The following SERINC5 variants were observed in gnomAD, a reference collection of about 807,000 sequenced individuals.
The protein encoded by SERINC5 is chromosome 5 open reading frame 12.
A neutral mutation model predicts 63.1 loss-of-function variants in SERINC5; 41 were observed. The ratio of observed to expected loss-of-function variants is 0.65; its 90% CI spans 0.51 to 0.84. The LOEUF (loss-of-function observed/expected upper bound fraction) is 0.84, where lower values mean the gene tolerates loss of function less well. Among genes scored for constraint, SERINC5 ranks in the 40% least tolerant of loss-of-function variants. The pLI is 0.00. For missense variants in SERINC5, 523 were observed against 573.0 expected (o/e 0.91, Z 0.89); for synonymous variants, 222 against 215.2 (o/e 1.03, Z -0.28).
chr5:80,209,370 A>C (rs919843757), intron 1 of SERINC5, among the ~76,000 whole-genome samples: 1 of 152,202 alleles, frequency 6.6e-6, no homozygotes, highest in African/African-American at 2.4e-5. Flanking sequence ...CAGGGACAGC[A>C]CAACAACACG....
At chr5:80,170,278 G>C (rs1297504006) in intron 5 of SERINC5, among the ~76,000 whole-genome samples, 1 of 152,160 alleles carries the variant, frequency 6.6e-6, no homozygotes, top group East Asian at 1.9e-4. Context: ...TTAGGTCGCA[G>C]ACCTAAAGTT....
chr5:80,150,717 T>C (rs1746122849), intron 9 of SERINC5, among the ~76,000 whole-genome samples, 165 bp downstream of exon 9: 2 of 152,202 alleles, frequency 1.3e-5, no homozygotes, highest in South Asian at 2.1e-4. Flanking sequence ...ATTACAGGCG[T>C]GAGCCACCAC....
chr5:80,234,798 T>C (rs1051075779), intron 1 of SERINC5, among the ~76,000 whole-genome samples: 4 of 152,174 alleles, frequency 2.6e-5, no homozygotes, highest in African/African-American at 9.7e-5. Flanking sequence ...GCCTTTCAAA[T>C]TGGAAACCAT....
At chr5:80,178,157 T>C in intron 2 of SERINC5, 93 bp from the exon 3 acceptor site, 1 of 685,718 alleles carries the variant, frequency 1.5e-6, no homozygotes, top group Non-Finnish European at 2.4e-6. Context: ...ACATCCACTG[T>C]GGAAATGGAT....
intron 1 of SERINC5, among the ~76,000 whole-genome samples, chr5:80,241,266 C>G (rs536249731): frequency 1.4e-4 from 21 of 151,732 alleles, no homozygotes; most frequent in South Asian, 1.3e-3. Context: ...GTCAGGAGAT[C>G]GAGACCATCC....
At chr5:80,228,026 A>G (rs1168918880) in intron 1 of SERINC5, among the ~76,000 whole-genome samples, 1 of 150,998 alleles carries the variant, frequency 6.6e-6, no homozygotes, top group East Asian at 1.9e-4. Flanking sequence ...ATTCGAGACC[A>G]GCCTGGGCAA....
chr5:80,126,404 C>T (rs1744752291), intron 11 of SERINC5, among the ~76,000 whole-genome samples: 1 of 152,182 alleles, frequency 6.6e-6, no homozygotes, highest in South Asian at 2.1e-4. Context: ...AATTTCATGA[C>T]ATCAGCCAGA....
intron 2 of SERINC5, among the ~76,000 whole-genome samples, chr5:80,180,197 T>A (rs1423093982): frequency 6.6e-6 from 1 of 152,120 alleles, no homozygotes; most frequent in East Asian, 1.9e-4. Context: ...TCTTACACAA[T>A]GAGAACAAGC....
At chr5:80,187,118 A>G (rs962294079) in intron 2 of SERINC5, among the ~76,000 whole-genome samples, 4 of 152,136 alleles carry the variant, frequency 2.6e-5, no homozygotes, top group African/African-American at 9.7e-5. Flanking sequence ...GTGAGCTGAG[A>G]TCACGCCACT....
chr5:80,223,850 G>T (rs1751035715), intron 1 of SERINC5, among the ~76,000 whole-genome samples: 1 of 152,110 alleles, frequency 6.6e-6, no homozygotes, highest in South Asian at 2.1e-4. Flanking sequence ...GTCAAGCCGG[G>T]CGCGGTGGCT....
At chr5:80,205,431 T>C (rs1008726079) in intron 1 of SERINC5, among the ~76,000 whole-genome samples, 2 of 152,226 alleles carry the variant, frequency 1.3e-5, no homozygotes, top group Non-Finnish European at 2.9e-5. Context: ...CCCAGGGTGC[T>C]GGGATGGGAA....
At chr5:80,231,719 T>C (rs1480435402) in intron 1 of SERINC5, among the ~76,000 whole-genome samples, 3 of 152,028 alleles carry the variant, frequency 2.0e-5, no homozygotes, top group Admixed American at 6.6e-5. Flanking sequence ...TGGGAAAGAA[T>C]AGTCTTTTCA....
chr5:80,239,098 G>A (rs2112585175), intron 1 of SERINC5, among the ~76,000 whole-genome samples: 1 of 152,300 alleles, frequency 6.6e-6, no homozygotes, highest in Admixed American at 6.5e-5. Context: ...CTTATTAGGT[G>A]GATATGCCAC....
At chr5:80,227,977 T>C (rs775784909) in intron 1 of SERINC5, among the ~76,000 whole-genome samples, 9 of 151,530 alleles carry the variant, frequency 5.9e-5, no homozygotes, top group Admixed American at 3.3e-4. Flanking sequence ...ATCCCAGCAC[T>C]TTGAGAGGCC....
Position 80,140,740 on chromosome 5 carries a change from C to G in SERINC5, c.*2923G>C. Reference sequence around the variant, plus strand: ...ATAAGAACCCCCACCCCCCTGCCACCCACTTAGTGTTTTTACTCATAAAAA... The same window carrying G: ...ATAAGAACCCCCACCCCCCTGCCACGCACTTAGTGTTTTTACTCATAAAAA... On this transcript the variant is annotated 3_prime_UTR_variant, in exon 12 of 12. Coordinates refer to ENST00000507668, the MANE Select transcript of SERINC5 (RefSeq NM_001174072.3). 1 of 985,266 alleles carries G rather than the reference C, an allele frequency of 1.0e-6. No individual in the cohort carries two copies. Among genetic ancestry groups the G allele is most frequent in the Non-Finnish European group, 1.2e-6 (1 of 829,906 alleles). The allele number at this position is 985,266 out of a possible 1,614,324, so 61.0% of individuals were successfully genotyped here. A position where few individuals can be genotyped will look rare whatever the true frequency, so the allele number is the denominator to read the frequency against.
intron 2 of SERINC5, among the ~76,000 whole-genome samples, chr5:80,191,555 T>C (rs1045343680): frequency 6.8e-6 from 1 of 146,462 alleles, no homozygotes; most frequent in Non-Finnish European, 1.5e-5. Flanking sequence ...TCCCGGTTAC[T>C]CAGCAGGCTG....
At chr5:80,186,965 G>T (rs1357675810) in intron 2 of SERINC5, among the ~76,000 whole-genome samples, 1 of 152,026 alleles carries the variant, frequency 6.6e-6, no homozygotes, top group African/African-American at 2.4e-5. Flanking sequence ...AGACCAGCCT[G>T]GCTAACATGG....
intron 8 of SERINC5, chr5:80,157,888 T>A (rs548881702): frequency 7.2e-4 from 110 of 152,296 alleles, no homozygotes; most frequent in African/African-American, 2.6e-3. Context: ...AAGGTCTGTG[T>A]CCCCGTTGGT....
rs150402050 is a variant in SERINC5, at chr5:80,126,565, T to C, written c.1239-12940A>G. Among the ~76,000 whole-genome samples, 333 of 152,352 alleles carry C rather than the reference T, an allele frequency of 2.2e-3. 2 individuals are homozygous for C. The highest frequency in any genetic ancestry group is 7.8e-3 in the African/African-American group (324 of 41,584). ...CTTTCAAAGCTGACAGGTTGAGATA[T>C]ATCTAAAACACAAAATCTCCAACAT... On this transcript the variant is annotated intron_variant, in intron 11 of 12. Transcript: ENST00000509193.
Sources: gnomAD v4.1 joint callset for allele counts (sites outside exome capture counted in the v4.1 genomes callset) on GRCh38, gnomAD v4.1.1 for gene constraint, MANE v1.5 for transcripts, NCBI Gene and HGNC (gene_info 2026-07-23, HGNC 2026-07-21) for gene names.